Variants in AOX1 observed in about 807,000 individuals in gnomAD.
AOX1 encodes the protein aldehyde oxidase 1.
A neutral mutation model predicts 169.5 loss-of-function variants in AOX1; 153 were observed. The ratio of observed to expected loss-of-function variants is 0.90; its 90% CI spans 0.79 to 1.03. The LOEUF (loss-of-function observed/expected upper bound fraction) is 1.03. Ranked by LOEUF, AOX1 falls within the 50% of genes least tolerant of loss-of-function variation. The pLI is 0.00. For synonymous variants in AOX1, 562 were observed against 581.9 expected, an observed-to-expected ratio of 0.97 and a Z score of 0.49; for missense variants, 1,656 against 1,663.9, an observed-to-expected ratio of 1.00 and a Z score of 0.08.
chr2:200,591,667 A>C (rs17532798), intron 1 of AOX1, among the ~76,000 whole-genome samples: 20,931 of 152,176 alleles, frequency 0.14, 1,520 homozygotes, highest in Non-Finnish European at 0.15. Context: ...TTTCATTTTA[A>C]CAAGCATCTC....
chr2:200,657,324 C>T (rs1559258638), intron 27 of AOX1, among the ~76,000 whole-genome samples: 1 of 150,302 alleles, frequency 6.7e-6, no homozygotes, highest in Non-Finnish European at 1.5e-5. Context: ...CAATGTACTC[C>T]AGCCTCGGTG....
At chr2:200,666,666 T>C in intron 31 of AOX1, 21 bp from the exon 32 acceptor site, 1 of 1,574,724 alleles carries the variant, frequency 6.4e-7, no homozygotes, top group African/African-American at 1.4e-5. Context: ...AATAAACATT[T>C]TAACTTTTTT....
At chr2:200,640,120 A>G (rs1421285731) in intron 23 of AOX1, among the ~76,000 whole-genome samples, 2 of 152,048 alleles carry the variant, frequency 1.3e-5, no homozygotes, top group Non-Finnish European at 2.9e-5. Flanking sequence ...ACAGAGGTGT[A>G]ATAAACATGG....
chr2:200,607,619 A>G (rs1243732980), intron 10 of AOX1, among the ~76,000 whole-genome samples: 2 of 152,226 alleles, frequency 1.3e-5, no homozygotes, highest in Non-Finnish European at 1.5e-5. Flanking sequence ...ATTACTGAGT[A>G]TATACCCAAA....
chr2:200,657,188 A>AT (rs1309414882), intron 27 of AOX1, among the ~76,000 whole-genome samples: 4,619 of 68,296 alleles, frequency 0.068, 146 homozygotes, highest in Non-Finnish European at 0.092. Flanking sequence ...ATATATATAT[A>AT]TATTTTTTTT....
At chr2:200,637,603 ATGTATATATG>A (rs912855431) in intron 22 of AOX1, among the ~76,000 whole-genome samples, 1 of 152,106 alleles carries the variant, frequency 6.6e-6, no homozygotes, top group Non-Finnish European at 1.5e-5. Flanking sequence ...ATATACGTGT[ATGTATATATG>A]TGTATATATG....
chr2:200,619,371 C>A (rs2105720124), intron 16 of AOX1, among the ~76,000 whole-genome samples: 1 of 152,278 alleles, frequency 6.6e-6, no homozygotes, highest in South Asian at 2.1e-4. Flanking sequence ...GCATGCCCCT[C>A]ACCCCCAGGT....
In AOX1 at chr2:200,670,896, A is replaced by T. The variant is rs1425913865; in HGVS notation, c.*217A>T. Reference sequence around the variant, plus strand: ...ATAAATCATTTTCAATGTTATAAACACTAATTGGTTTCCTCTAGGGTGATA... The same window carrying T: ...ATAAATCATTTTCAATGTTATAAACTCTAATTGGTTTCCTCTAGGGTGATA... On this transcript the variant is annotated 3_prime_UTR_variant, in exon 35 of 35. Coordinates refer to ENST00000374700, the MANE Select transcript of AOX1 (RefSeq NM_001159.4). The T allele has an allele frequency of 1.6e-5, 8 of 487,596 alleles. No homozygotes were observed. The East Asian group carries it at 2.4e-4, about 15-fold the overall frequency. 30.2% of individuals were successfully genotyped at this position (487,596 alleles called of 1,614,324 possible). A position where few individuals can be genotyped will look rare whatever the true frequency, so the allele number is the denominator to read the frequency against.
chr2:200,617,328 C>CA (rs1425806966), intron 16 of AOX1, among the ~76,000 whole-genome samples: 2 of 152,010 alleles, frequency 1.3e-5, no homozygotes, highest in African/African-American at 4.8e-5. Flanking sequence ...TAAATCAGTT[C>CA]ATTTGCTTTG....
intron 27 of AOX1, among the ~76,000 whole-genome samples, chr2:200,657,190 A>ATATATATATATATATATATATATTTTT: frequency 6.4e-5 from 4 of 62,874 alleles, no homozygotes; most frequent in Admixed American, 4.8e-4. Flanking sequence ...ATATATATAT[A>ATATATATATATATATATATATATTTTT]TTTTTTTTTT....
rs141191587 is a variant in AOX1 at position 200,627,602 on chromosome 2, C to T, written c.2221+153C>T. ...GGCACCTCATTCACAAATGTGTTTCCCTCCGTCTCTGGGGTAGGCCAAGAG... is the reference window on the plus strand; with the variant it reads ...GGCACCTCATTCACAAATGTGTTTCTCTCCGTCTCTGGGGTAGGCCAAGAG... On this transcript the variant is annotated intron_variant, in intron 20 of 34. Coordinates refer to ENST00000374700, the MANE Select transcript of AOX1 (RefSeq NM_001159.4). Among the ~76,000 whole-genome samples, 37 of 152,182 alleles carry T rather than the reference C, an allele frequency of 2.4e-4. 1 individual carries two copies. In the East Asian group the frequency reaches 6.2e-3, roughly 25 times the overall value.
At chr2:200,658,361 C>G (rs995591035) in intron 27 of AOX1, among the ~76,000 whole-genome samples, 1 of 152,198 alleles carries the variant, frequency 6.6e-6, no homozygotes, top group Non-Finnish European at 1.5e-5. Flanking sequence ...CATATTTTCT[C>G]TCAGTCACTT....
chr2:200,661,497 C>A (rs1419764870), intron 29 of AOX1, 82 bp from the exon 30 acceptor site: 2 of 1,078,312 alleles, frequency 1.9e-6, no homozygotes, highest in African/African-American at 1.6e-5. Context: ...ATTTAACACA[C>A]AGGGTAAAAT....
At chr2:200,620,611 T>C in intron 16 of AOX1, 39 bp from the exon 17 acceptor site, 5 of 1,447,672 alleles carry the variant, frequency 3.5e-6, no homozygotes, top group East Asian at 5.2e-5. Flanking sequence ...ACTTTCTCTA[T>C]AGAAATGTAA....
intron 27 of AOX1, 79 bp from the exon 28 acceptor site, chr2:200,659,086 C>T: frequency 7.1e-7 from 1 of 1,413,862 alleles, no homozygotes; most frequent in Non-Finnish European, 9.8e-7. Flanking sequence ...GGGTATCACA[C>T]ATGTGTTACC....
intron 23 of AOX1, among the ~76,000 whole-genome samples, chr2:200,640,491 T>C (rs1574944930): frequency 6.6e-6 from 1 of 152,216 alleles, no homozygotes; most frequent in African/African-American, 2.4e-5. Context: ...AGAGCCATTA[T>C]AGTGTAAAAT....
At chr2:200,655,740 A>G in intron 26 of AOX1, among the ~76,000 whole-genome samples, 1 of 152,114 alleles carries the variant, frequency 6.6e-6, no homozygotes, top group East Asian at 1.9e-4. Flanking sequence ...CTTTGGATAC[A>G]AATAAAGAGA....
downstream of AOX1, among the ~76,000 whole-genome samples, chr2:200,674,550 G>A (rs923136041): frequency 1.3e-5 from 2 of 152,192 alleles, no homozygotes; most frequent in Non-Finnish European, 2.9e-5. Flanking sequence ...CTCCCACTGT[G>A]AAAGATTTGC....
At chr2:200,616,433 C>T (rs1012151481) in intron 16 of AOX1, among the ~76,000 whole-genome samples, 6 of 152,200 alleles carry the variant, frequency 3.9e-5, no homozygotes, top group African/African-American at 1.4e-4. Flanking sequence ...GGCTGCTTTG[C>T]TTTCATTTTC....
Sources: allele counts gnomAD v4.1 joint callset (sites outside exome capture counted in the v4.1 genomes callset), GRCh38; gene constraint gnomAD v4.1.1; transcripts MANE v1.5; gene names NCBI Gene and HGNC (gene_info 2026-07-23, HGNC 2026-07-21).